The following CBLB variants were observed in gnomAD, a reference collection of about 807,000 sequenced individuals.
CBLB encodes the protein E3 ubiquitin-protein ligase CBL-B.
A neutral mutation model predicts 104.9 loss-of-function variants in CBLB; 31 were observed. The observed-to-expected ratio is 0.30, with a 90% CI of 0.22 to 0.40. The LOEUF is 0.40. Ranked by LOEUF, CBLB falls within the 10% of genes least tolerant of loss-of-function variation. CBLB has a pLI of 1.00. For missense variants in CBLB, 1,062 were observed against 1,214.6 expected (o/e 0.87, Z 1.87); for synonymous variants, 440 against 422.6 (o/e 1.04, Z -0.51).
intron 3 of CBLB, among the ~76,000 whole-genome samples, chr3:105,833,748 T>C (rs1017882867): frequency 2.0e-5 from 3 of 152,096 alleles, no homozygotes; most frequent in African/African-American, 7.2e-5. Flanking sequence ...ACATCAATAA[T>C]AATCTAGATT....
At chr3:105,807,386 G>A (rs559725345) in intron 3 of CBLB, among the ~76,000 whole-genome samples, 1 of 152,256 alleles carries the variant, frequency 6.6e-6, no homozygotes, top group Non-Finnish European at 1.5e-5. Context: ...TCCAGACCTC[G>A]TAGGTAGAGA....
intron 11 of CBLB, among the ~76,000 whole-genome samples, chr3:105,703,441 T>A (rs1172705918): frequency 1.3e-5 from 2 of 152,200 alleles, no homozygotes; most frequent in Non-Finnish European, 2.9e-5. Context: ...TAGGTTTAAC[T>A]GTAGAGTAAA....
At chr3:105,804,885 T>G in intron 3 of CBLB, among the ~76,000 whole-genome samples, 1 of 152,144 alleles carries the variant, frequency 6.6e-6, no homozygotes. Context: ...TACTCCACAG[T>G]GGGAGAGTAT....
At chr3:105,693,462 G>T in intron 13 of CBLB, 32 bp downstream of exon 13, 2 of 1,414,168 alleles carry the variant, frequency 1.4e-6, no homozygotes, top group Non-Finnish European at 2.0e-6. Context: ...TTGATGCATA[G>T]ACAAGTGATC....
In CBLB at chr3:105,755,505, T is replaced by TAA. The variant is rs5851472; in HGVS notation, c.567-3889_567-3888dup. 4.4e-3 allele frequency among the ~76,000 whole-genome samples: 651 copies of TAA among 146,860 alleles called. 6 individuals carry two copies. Among genetic ancestry groups the TAA allele is most frequent in the East Asian group, 0.026 (135 of 5,100 alleles). On this transcript the variant is annotated intron_variant, in intron 4 of 18. Transcript: ENST00000394030. Reference sequence around the variant, plus strand: ...AAAGTGTGAGGAGAATGATTTCTTTTAAAAAAAAAAAGGTAAAATATTTTC... The same window carrying TAA: ...AAAGTGTGAGGAGAATGATTTCTTTTAAAAAAAAAAAAAGGTAAAATATTTTC...
chr3:105,679,336 T>TAA (rs33959963), intron 16 of CBLB, among the ~76,000 whole-genome samples: 2 of 65,646 alleles, frequency 3.0e-5, no homozygotes, highest in South Asian at 8.1e-4. Context: ...CTTGAGTCTT[T>TAA]AAAAAAAAAA....
intron 13 of CBLB, among the ~76,000 whole-genome samples, chr3:105,690,997 T>A (rs984354006): frequency 6.6e-6 from 1 of 152,164 alleles, no homozygotes; most frequent in African/African-American, 2.4e-5. Context: ...GGCATAAAAT[T>A]ATCTCTACCA....
intron 3 of CBLB, among the ~76,000 whole-genome samples, chr3:105,816,077 T>G (rs1194341503): frequency 6.6e-6 from 1 of 151,986 alleles, no homozygotes; most frequent in Non-Finnish European, 1.5e-5. Flanking sequence ...AGGGGAGGGA[T>G]AGCATTAGGA....
chr3:105,677,361 A>G (rs1175938036), intron 17 of CBLB, among the ~76,000 whole-genome samples: 1 of 151,896 alleles, frequency 6.6e-6, no homozygotes, highest in Non-Finnish European at 1.5e-5. Flanking sequence ...AAAAAAAAAA[A>G]AAAAAAACTA....
intron 6 of CBLB, among the ~76,000 whole-genome samples, chr3:105,741,345 C>G (rs1333862673): frequency 1.3e-5 from 2 of 151,692 alleles, no homozygotes; most frequent in Non-Finnish European, 2.9e-5. Flanking sequence ...TGTGCCACGA[C>G]GCCCAGCTAA....
chr3:105,729,755 C>T lies in CBLB; in HGVS notation c.1203+4254G>A, dbSNP rs968411735. 6.6e-5 allele frequency among the ~76,000 whole-genome samples: 10 copies of T among 152,010 alleles called. 1 individual carries two copies. The highest frequency in any genetic ancestry group is 3.9e-4 in the East Asian group (2 of 5,190). ...GCACAGCTAGGTGAGATTACAGATA[C>T]GAGACCTTCAGCATATCTAATGTTT... On this transcript the variant is annotated intron_variant, in intron 9 of 18. Coordinates refer to ENST00000394030, the MANE Select transcript of CBLB (RefSeq NM_170662.5).
At chr3:105,847,820 A>C (rs1304073330) in intron 3 of CBLB, among the ~76,000 whole-genome samples, 4 of 152,136 alleles carry the variant, frequency 2.6e-5, no homozygotes, top group Non-Finnish European at 5.9e-5. Flanking sequence ...TTACTATTAA[A>C]ATGGTTAACT....
At chr3:105,718,779 C>T (rs1483954842) in intron 10 of CBLB, among the ~76,000 whole-genome samples, 1 of 152,150 alleles carries the variant, frequency 6.6e-6, no homozygotes, top group African/African-American at 2.4e-5. Context: ...GGAAGGGTGG[C>T]ACCATATATG....
At chr3:105,746,289 A>C (rs181975973) in intron 5 of CBLB, among the ~76,000 whole-genome samples, 1 of 152,336 alleles carries the variant, frequency 6.6e-6, no homozygotes, top group Admixed American at 6.5e-5. Flanking sequence ...AGAAAACCAC[A>C]AAATCTCTTC....
In CBLB at chr3:105,737,210, T is replaced by C. The variant is rs781037632; in HGVS notation, c.1032A>G (p.Leu344=). The change falls in exon 8 of 19, where the codon TTA becomes TTG. Residue 344 remains leucine (L), a synonymous_variant. Transcript: ENST00000394030. ...TATGGTCATGAGGTGTAGGTTCACA[T>C]AATCCAGTTAAATCAGGATTATAAC... The part of the protein sequence containing the change: ...GRSYNPDLTG[L]CEPTPHDHIK... 2.5e-6 allele frequency: 4 copies of C among 1,595,098 alleles called. No homozygotes were observed. The highest frequency in any genetic ancestry group is 1.7e-5 in the Admixed American group (1 of 59,796).
chr3:105,747,292 T>C (rs1316621851), intron 5 of CBLB, among the ~76,000 whole-genome samples: 5 of 152,228 alleles, frequency 3.3e-5, no homozygotes, highest in Non-Finnish European at 5.9e-5. Flanking sequence ...CGTTGCCATG[T>C]TAAAGCTGTT....
intron 2 of CBLB, among the ~76,000 whole-genome samples, chr3:105,862,170 G>A (rs1467016197): frequency 1.3e-5 from 2 of 152,080 alleles, no homozygotes; most frequent in African/African-American, 4.8e-5. Flanking sequence ...ATCTCTGACA[G>A]TTATATAGCT....
intron 9 of CBLB, among the ~76,000 whole-genome samples, chr3:105,728,746 A>G (rs2073975932): frequency 6.6e-6 from 1 of 152,178 alleles, no homozygotes; most frequent in Non-Finnish European, 1.5e-5. Flanking sequence ...TATTCTGTGC[A>G]AACTCTGCTT....
chr3:105,852,742 A>G (rs2091109158), intron 3 of CBLB, among the ~76,000 whole-genome samples: 1 of 151,756 alleles, frequency 6.6e-6, no homozygotes. Context: ...TCTTTTATAC[A>G]GTATTTTTTT....
Sources: gnomAD v4.1 joint callset for allele counts (sites outside exome capture counted in the v4.1 genomes callset) on GRCh38, gnomAD v4.1.1 for gene constraint, MANE v1.5 for transcripts, NCBI Gene and HGNC (gene_info 2026-07-23, HGNC 2026-07-21) for gene names.